SOX6: variants seen among roughly 807,000 people sequenced by gnomAD.
SOX6 encodes the protein transcription factor SOX-6.
A neutral mutation model predicts 97.8 loss-of-function variants in SOX6; 11 were observed. The ratio of observed to expected loss-of-function variants is 0.11; its 90% CI spans 0.07 to 0.19. The LOEUF (loss-of-function observed/expected upper bound fraction) is 0.19. Ranked by LOEUF, SOX6 falls within the 10% of genes least tolerant of loss-of-function variation. The probability of loss-of-function intolerance (pLI) is 1.00; values close to 1 mark genes in which losing one functional copy is unlikely to be tolerated. For missense variants in SOX6, 810 were observed against 1,039.5 expected, an observed-to-expected ratio of 0.78 and a Z score of 3.04; for synonymous variants, 360 against 371.4, an observed-to-expected ratio of 0.97 and a Z score of 0.35.
chr11:16,298,406 T>G (rs1855160466), intron 3 of SOX6, among the ~76,000 whole-genome samples: 1 of 152,284 alleles, frequency 6.6e-6, no homozygotes. Context: ...TTGTCTAAAT[T>G]TATGTGTTTT....
At chr11:16,389,985 A>AAAAC (rs1554964120) in intron 1 of SOX6, among the ~76,000 whole-genome samples, 2 of 148,602 alleles carry the variant, frequency 1.3e-5, no homozygotes, top group Admixed American at 6.7e-5. Flanking sequence ...AAAAAAAAAA[A>AAAAC]AAAAAAAAAA....
intron 2 of SOX6, among the ~76,000 whole-genome samples, chr11:16,330,815 G>C (rs1565095617): frequency 1.3e-5 from 2 of 152,104 alleles, no homozygotes; most frequent in Non-Finnish European, 2.9e-5. Flanking sequence ...GAAGTCAGGA[G>C]ATATAAAGTG....
At chr11:16,436,357 C>A (rs779434600) in intron 1 of SOX6, among the ~76,000 whole-genome samples, 2 of 152,038 alleles carry the variant, frequency 1.3e-5, no homozygotes, top group Non-Finnish European at 2.9e-5. Context: ...GGATTTCAAT[C>A]TTAAGGTGTT....
At chr11:16,268,525 C>T (rs1001587745) in intron 3 of SOX6, among the ~76,000 whole-genome samples, 9 of 151,074 alleles carry the variant, frequency 6.0e-5, no homozygotes, top group Non-Finnish European at 7.4e-5. Flanking sequence ...GACGGTCATT[C>T]TAATTGTTTA....
intron 3 of SOX6, among the ~76,000 whole-genome samples, chr11:16,640,108 T>A (rs1198752364): frequency 2.6e-5 from 4 of 152,206 alleles, no homozygotes; most frequent in African/African-American, 9.7e-5. Flanking sequence ...TATTGAGAGT[T>A]TTTAGTATGA....
chr11:16,219,092 G>C (rs188405226), intron 4 of SOX6, among the ~76,000 whole-genome samples: 2 of 152,050 alleles, frequency 1.3e-5, no homozygotes, highest in Admixed American at 1.3e-4. Flanking sequence ...ACCTTTACTC[G>C]GTTATTTCTA....
intron 3 of SOX6, among the ~76,000 whole-genome samples, chr11:16,656,561 C>A (rs1250380259): frequency 6.6e-6 from 1 of 152,116 alleles, no homozygotes; most frequent in Non-Finnish European, 1.5e-5. Flanking sequence ...GTTTCACATA[C>A]TATAATGTTC....
rs139904055 is a variant in SOX6, at chr11:16,247,458, T to C, written c.446-12787A>G. Among the ~76,000 whole-genome samples the C allele has an allele frequency of 9.3e-3, 1,412 of 152,184 alleles. 27 individuals carry two copies. Among genetic ancestry groups the C allele is most frequent in the African/African-American group, 0.032 (1,318 of 41,532 alleles). On this transcript the variant is annotated intron_variant, in intron 3 of 15. Transcript: ENST00000683767. ...CTGTAAAGAACTGCCCGAGACTGGGTAATTTATAAAGAAAACAGCTTTAAT... is the reference window on the plus strand; with the variant it reads ...CTGTAAAGAACTGCCCGAGACTGGGCAATTTATAAAGAAAACAGCTTTAAT...
At chr11:16,174,905 T>C (rs1397601858) in intron 6 of SOX6, among the ~76,000 whole-genome samples, 1 of 151,976 alleles carries the variant, frequency 6.6e-6, no homozygotes, top group African/African-American at 2.4e-5. Context: ...AGGTGAGAAT[T>C]TGACTCTGTT....
chr11:16,055,642 C>T, intron 10 of SOX6, 110 bp downstream of exon 10: 1 of 1,372,804 alleles, frequency 7.3e-7, no homozygotes, highest in South Asian at 1.2e-5. Flanking sequence ...TTTGGGGTTG[C>T]TTTATGTTGC....
chr11:16,336,013 T>A (rs569250295), intron 2 of SOX6, among the ~76,000 whole-genome samples: 1 of 152,328 alleles, frequency 6.6e-6, no homozygotes, highest in South Asian at 2.1e-4. Flanking sequence ...CTGGAGGAAT[T>A]TAAGTAGGTC....
At position 16,519,341 on chromosome 11, in the gene SOX6, C is replaced by T. The variant is rs947294254; in HGVS notation, n.610-42953G>A. On this transcript the variant is annotated intron_variant and non_coding_transcript_variant, in intron 4 of 5. Transcript: ENST00000524520. ...CCAATGGGTAATTTTTCAACCCTTG[C>T]CTCTCTCCAACCCTCTCCCTTTTGG... Among the ~76,000 whole-genome samples, 8 of 152,162 alleles carry T rather than the reference C, an allele frequency of 5.3e-5. No individual in the cohort carries two copies. The East Asian group carries it at 9.7e-4, about 18-fold the overall frequency.
chr11:16,490,538 TA>T (rs1860495247), intron 4 of SOX6, among the ~76,000 whole-genome samples: 1 of 151,964 alleles, frequency 6.6e-6, no homozygotes, highest in East Asian at 1.9e-4. Context: ...GTGCAAGCAC[TA>T]ACCAAAAGAA....
chr11:16,026,520 T>C (rs538798386), intron 12 of SOX6, among the ~76,000 whole-genome samples: 2 of 152,270 alleles, frequency 1.3e-5, no homozygotes, highest in African/African-American at 4.8e-5. Flanking sequence ...TTGAGACTCA[T>C]TATGGTGGCA....
At chr11:16,661,743 TCTTA>T (rs1847767592) in intron 3 of SOX6, among the ~76,000 whole-genome samples, 2 of 151,520 alleles carry the variant, frequency 1.3e-5, no homozygotes, top group Non-Finnish European at 2.9e-5. Context: ...GAGATGGAGG[TCTTA>T]CTATGTTGCT....
In SOX6 at chr11:16,300,395, T is replaced by G. The variant is rs1418709678; in HGVS notation, c.445+18051A>C. On this transcript the variant is annotated intron_variant, in intron 3 of 15. Coordinates refer to ENST00000683767, the MANE Select transcript of SOX6 (RefSeq NM_001367873.1). This position sits in a 1 kb window ranked among gnomAD's most constrained non-coding sequence, Gnocchi z 4.1. ...GCATTTTTATTATGTATTATAACATTTTGCTCAGAGCTGACATTTTTATTC... is the reference window on the plus strand; with the variant it reads ...GCATTTTTATTATGTATTATAACATGTTGCTCAGAGCTGACATTTTTATTC... 6.6e-6 allele frequency among the ~76,000 whole-genome samples: 1 copy of G among 152,134 alleles called. No homozygotes were observed. The highest frequency in any genetic ancestry group is 1.5e-5 in the Non-Finnish European group (1 of 68,028).
chr11:15,983,058 T>C (rs1293435555), intron 15 of SOX6, among the ~76,000 whole-genome samples: 2 of 152,030 alleles, frequency 1.3e-5, no homozygotes, highest in African/African-American at 2.4e-5. Context: ...TAAATTAGTA[T>C]AGTAAATGAG....
chr11:16,366,470 G>A (rs1479270182), intron 1 of SOX6, among the ~76,000 whole-genome samples: 1 of 151,966 alleles, frequency 6.6e-6, no homozygotes, highest in Non-Finnish European at 1.5e-5. Flanking sequence ...GACAGGTATG[G>A]GTAATATTAT....
chr11:16,372,278 C>T (rs544787520), intron 1 of SOX6, among the ~76,000 whole-genome samples: 1 of 152,174 alleles, frequency 6.6e-6, no homozygotes, highest in African/African-American at 2.4e-5. Context: ...TTCAATTCTG[C>T]ATCCTCATCA....
Sources: gnomAD v4.1 joint callset for allele counts (sites outside exome capture counted in the v4.1 genomes callset) on GRCh38, gnomAD v4.1.1 for gene constraint, Gnocchi (gnomAD v3.1) non-coding constraint, MANE v1.5 for transcripts, NCBI Gene and HGNC (gene_info 2026-07-23, HGNC 2026-07-21) for gene names.